Variants in ANXA2 observed in about 807,000 individuals in gnomAD.
ANXA2 encodes the protein annexin A2.
ANXA2 carries 28 observed loss-of-function variants against 47.3 expected under a neutral mutation model. The ratio of observed to expected loss-of-function variants is 0.59; its 90% CI spans 0.44 to 0.81. ANXA2 has a LOEUF of 0.81. Ranked by LOEUF, ANXA2 falls within the 40% of genes least tolerant of loss-of-function variation. ANXA2 has a pLI of 0.00. For synonymous variants in ANXA2, 172 were observed against 155.5 expected (o/e 1.11, Z -0.79); for missense variants, 384 against 414.3 (o/e 0.93, Z 0.64).
chr15:60,385,956 A>C, intron 2 of ANXA2, 72 bp downstream of exon 2: 13 of 981,338 alleles, frequency 1.3e-5, no homozygotes, highest in Middle Eastern at 2.7e-4. Context: ...GTACAAGGAT[A>C]GAGAGTAATA....
At chr15:60,381,745 A>G (rs1200240414) in intron 3 of ANXA2, among the ~76,000 whole-genome samples, 1 of 152,088 alleles carries the variant, frequency 6.6e-6, no homozygotes, top group Non-Finnish European at 1.5e-5. Flanking sequence ...CACTCTCTAG[A>G]TCAATCTAAG....
intron 3 of ANXA2, among the ~76,000 whole-genome samples, chr15:60,376,120 G>A (rs760934283): frequency 3.3e-5 from 5 of 152,112 alleles, no homozygotes; most frequent in Non-Finnish European, 5.9e-5. Flanking sequence ...GCTCACACCC[G>A]TAATCCCAGC....
intron 3 of ANXA2, among the ~76,000 whole-genome samples, chr15:60,381,052 G>A (rs187008590): frequency 1.1e-3 from 167 of 152,148 alleles, no homozygotes; most frequent in African/African-American, 4.0e-3. Flanking sequence ...CATGGTTTTA[G>A]GAAAGGTGAC....
intron 1 of ANXA2, chr15:60,397,465 A>C: frequency 2.2e-5 from 7 of 316,034 alleles, no homozygotes; most frequent in Non-Finnish European, 2.8e-5. Context: ...CAACTCCACA[A>C]GCGCGCGTTT....
chr15:60,370,836 G>C (rs767777747), intron 3 of ANXA2, among the ~76,000 whole-genome samples: 2 of 152,162 alleles, frequency 1.3e-5, no homozygotes, highest in African/African-American at 2.4e-5. Flanking sequence ...AAACTGTGTG[G>C]GTGGGGCGAG....
chr15:60,358,016 A>T (rs1343965634), intron 5 of ANXA2, among the ~76,000 whole-genome samples: 3 of 152,262 alleles, frequency 2.0e-5, no homozygotes, highest in Non-Finnish European at 1.5e-5. Flanking sequence ...TGTCACTTGC[A>T]GCCAGCATTG....
intron 1 of ANXA2, among the ~76,000 whole-genome samples, chr15:60,390,861 G>A (rs1338076431): frequency 6.6e-6 from 1 of 152,202 alleles, no homozygotes; most frequent in Non-Finnish European, 1.5e-5. Context: ...TTGGCTTTGC[G>A]ATTCACTGTT....
At chr15:60,357,883 T>C (rs2062457235) in intron 5 of ANXA2, among the ~76,000 whole-genome samples, 3 of 151,978 alleles carry the variant, frequency 2.0e-5, no homozygotes, top group South Asian at 4.1e-4. Flanking sequence ...TGTGGGTAGA[T>C]AAAGTAACTT....
intron 11 of ANXA2, 78 bp from the exon 12 acceptor site, chr15:60,349,275 T>C (rs1895880883): frequency 2.0e-6 from 3 of 1,522,548 alleles, no homozygotes; most frequent in Admixed American, 3.7e-5. Flanking sequence ...TGAGCATCCC[T>C]GATCTGAAAA....
At chr15:60,364,581 A>G in intron 3 of ANXA2, 58 bp from the exon 4 acceptor site, 1 of 1,368,520 alleles carries the variant, frequency 7.3e-7, no homozygotes, top group African/African-American at 1.5e-5. Flanking sequence ...TTGGGCTTAC[A>G]TAGAAGGTGT....
chr15:60,354,884 G>A (rs1223494457), intron 7 of ANXA2, among the ~76,000 whole-genome samples: 1 of 152,152 alleles, frequency 6.6e-6, no homozygotes, highest in Non-Finnish European at 1.5e-5. Context: ...AAGCAGCCCG[G>A]GAACCCACAG....
At chr15:60,384,056 T>A (rs1212515623) in intron 2 of ANXA2, 1 of 152,248 alleles carries the variant, frequency 6.6e-6, no homozygotes, top group African/African-American at 2.4e-5. Context: ...TATCAAAGTA[T>A]GTTCCATCTA....
intron 5 of ANXA2, among the ~76,000 whole-genome samples, chr15:60,360,022 C>A (rs961825998): frequency 1.3e-5 from 2 of 152,178 alleles, no homozygotes; most frequent in African/African-American, 4.8e-5. Flanking sequence ...TTTGGGAGGC[C>A]AAGGTGGGCA....
intron 1 of ANXA2, among the ~76,000 whole-genome samples, chr15:60,391,750 G>A (rs8023979): frequency 0.8 from 121,540 of 152,098 alleles, 49,010 homozygotes; most frequent in East Asian, 1. Context: ...CCTCATCACC[G>A]TATAAAACTC....
chr15:60,378,219 G>A (rs1436179308), intron 3 of ANXA2, among the ~76,000 whole-genome samples: 1 of 152,202 alleles, frequency 6.6e-6, no homozygotes, highest in East Asian at 1.9e-4. Context: ...TGTTAGGGAA[G>A]TTACTGTGGT....
chr15:60,385,738 C>T (rs1194362166), intron 2 of ANXA2: 1 of 328,992 alleles, frequency 3.0e-6, no homozygotes, highest in African/African-American at 2.1e-5. Context: ...ACCATCATAA[C>T]AGTTATTACC....
intron 8 of ANXA2, among the ~76,000 whole-genome samples, chr15:60,353,232 G>C (rs2062375920): frequency 6.6e-6 from 1 of 152,170 alleles, no homozygotes; most frequent in Non-Finnish European, 1.5e-5. Flanking sequence ...AAAGAATATA[G>C]TTCATTGCAG....
intron 6 of ANXA2, 56 bp from the exon 7 acceptor site, chr15:60,356,054 C>T (rs1025579454): frequency 4.6e-6 from 6 of 1,293,506 alleles, no homozygotes; most frequent in African/African-American, 1.5e-5. Flanking sequence ...CAACCATCCA[C>T]CCCAATCTCC....
intron 3 of ANXA2, among the ~76,000 whole-genome samples, chr15:60,380,493 C>CAAAAAAA (rs538754910): frequency 1.1e-5 from 1 of 90,122 alleles, no homozygotes; most frequent in African/African-American, 3.9e-5. Flanking sequence ...TTAAATGCAC[C>CAAAAAAA]AAAAAAAAAA....
Sources: gnomAD v4.1 joint callset for allele counts (sites outside exome capture counted in the v4.1 genomes callset) on GRCh38, gnomAD v4.1.1 for gene constraint, MANE v1.5 for transcripts, NCBI Gene and HGNC (gene_info 2026-07-23, HGNC 2026-07-21) for gene names.